Variants in COTL1 observed in about 807,000 individuals in gnomAD.
The protein encoded by COTL1 is coactosin like F-actin binding protein 1, also known as coactosin-like protein.
In COTL1, 15 loss-of-function variants were observed where a neutral mutation model predicts 16.5. The observed-to-expected ratio is 0.91, with a 90% confidence interval of 0.61 to 1.40. The LOEUF (loss-of-function observed/expected upper bound fraction) is 1.40, where lower values mean the gene tolerates loss of function less well. Ranked by LOEUF, COTL1 falls within the 40% of genes most tolerant of loss-of-function variation. COTL1 has a pLI of 0.00. For synonymous variants in COTL1, 112 were observed against 85.3 expected, an observed-to-expected ratio of 1.31 and a Z score of -1.73; for missense variants, 220 against 201.5, an observed-to-expected ratio of 1.09 and a Z score of -0.56.
intron 3 of COTL1, among the ~76,000 whole-genome samples, chr16:84,571,903 G>C (rs900416349): frequency 1.2e-4 from 19 of 152,182 alleles, no homozygotes; most frequent in Non-Finnish European, 2.1e-4. Flanking sequence ...CATGGAGGGG[G>C]TACTAGCAGG....
intron 3 of COTL1, among the ~76,000 whole-genome samples, chr16:84,571,753 T>C (rs1040275883): frequency 6.6e-6 from 1 of 152,238 alleles, no homozygotes; most frequent in Admixed American, 6.5e-5. Context: ...GGTGAGACGG[T>C]GAGACGGGCC....
At chr16:84,608,853 C>T (rs569476863) in intron 2 of COTL1, among the ~76,000 whole-genome samples, 1 of 152,292 alleles carries the variant, frequency 6.6e-6, no homozygotes, top group East Asian at 1.9e-4. Flanking sequence ...TGCAGTGAGC[C>T]AAGATCGTGC....
chr16:84,580,827 T>C (rs907978008), intron 3 of COTL1, among the ~76,000 whole-genome samples: 3 of 152,306 alleles, frequency 2.0e-5, no homozygotes, highest in East Asian at 1.9e-4. Flanking sequence ...TATTTTTCAA[T>C]TGTGCAATTT....
chr16:84,600,590 G>A (rs1247475352), intron 2 of COTL1, among the ~76,000 whole-genome samples: 2 of 152,224 alleles, frequency 1.3e-5, no homozygotes, highest in Non-Finnish European at 2.9e-5. Context: ...CAGGATTACA[G>A]GCGCGAGCCA....
chr16:84,607,544 T>G (rs1905238393), intron 2 of COTL1, among the ~76,000 whole-genome samples: 1 of 152,080 alleles, frequency 6.6e-6, no homozygotes, highest in Admixed American at 6.5e-5. Flanking sequence ...TTAGATAAAC[T>G]AACACACGCA....
At chr16:84,612,415 T>A (rs1012353227) in intron 2 of COTL1, among the ~76,000 whole-genome samples, 1 of 152,288 alleles carries the variant, frequency 6.6e-6, no homozygotes, top group African/African-American at 2.4e-5. Flanking sequence ...GCCTACTTTG[T>A]GCTGAGTGGG....
intron 2 of COTL1, among the ~76,000 whole-genome samples, chr16:84,604,571 G>C (rs200344110): frequency 6.6e-6 from 1 of 151,940 alleles, no homozygotes; most frequent in Non-Finnish European, 1.5e-5. Context: ...ATATGTGTTG[G>C]GGGGATGAGT....
intron 3 of COTL1, among the ~76,000 whole-genome samples, chr16:84,569,718 G>C (rs566131228): frequency 4.6e-5 from 7 of 152,220 alleles, no homozygotes; most frequent in Non-Finnish European, 8.8e-5. Flanking sequence ...GTTACTAAGT[G>C]TATGTGATCC....
chr16:84,601,281 A>T (rs1285774990), intron 2 of COTL1, among the ~76,000 whole-genome samples: 1 of 152,236 alleles, frequency 6.6e-6, no homozygotes, highest in Admixed American at 6.5e-5. Context: ...CCTTCAAAAA[A>T]TATACAGTCT....
At chr16:84,608,634 G>T (rs1050531332) in intron 2 of COTL1, among the ~76,000 whole-genome samples, 7 of 152,224 alleles carry the variant, frequency 4.6e-5, no homozygotes, top group Admixed American at 3.3e-4. Context: ...AGCCGGGCGG[G>T]GTGGCTCACG....
At chr16:84,602,758 C>T (rs1217717191) in intron 2 of COTL1, among the ~76,000 whole-genome samples, 1 of 150,922 alleles carries the variant, frequency 6.6e-6, no homozygotes, top group African/African-American at 2.4e-5. Flanking sequence ...GGGAGGCTGA[C>T]GTAGGAGAAT....
intron 2 of COTL1, among the ~76,000 whole-genome samples, chr16:84,597,489 T>G (rs1484604717): frequency 6.6e-6 from 1 of 152,126 alleles, no homozygotes; most frequent in Admixed American, 6.5e-5. Context: ...ACCCGGGAAC[T>G]TATTAGAAAT....
At chr16:84,617,171 G>GT (rs952672177) in intron 2 of COTL1, among the ~76,000 whole-genome samples, 3 of 96,502 alleles carry the variant, frequency 3.1e-5, no homozygotes, top group Admixed American at 1.8e-4. Context: ...AAAGGGGACA[G>GT]TGGGAAGAGC....
chr16:84,591,105 T>C (rs1462153573), intron 2 of COTL1, among the ~76,000 whole-genome samples: 1 of 152,156 alleles, frequency 6.6e-6, no homozygotes, highest in African/African-American at 2.4e-5. Flanking sequence ...GACTTTAAAA[T>C]TTGTTTCACA....
At chr16:84,575,775 C>G (rs991078617) in intron 3 of COTL1, 4 of 152,304 alleles carry the variant, frequency 2.6e-5, no homozygotes, top group African/African-American at 9.7e-5. Flanking sequence ...GTGGCCTGAG[C>G]CTCCCTGGGG....
At chr16:84,586,477 T>G (rs1262319683) in intron 3 of COTL1, among the ~76,000 whole-genome samples, 2 of 151,894 alleles carry the variant, frequency 1.3e-5, no homozygotes. Context: ...CCTTTGGGGG[T>G]GATGAGAAAG....
chr16:84,610,284 T>G (rs1419372882), intron 2 of COTL1, among the ~76,000 whole-genome samples: 1 of 152,214 alleles, frequency 6.6e-6, no homozygotes, highest in Non-Finnish European at 1.5e-5. Flanking sequence ...CCACTCACAC[T>G]GGCCTGAGAA....
At chr16:84,609,972 C>T (rs1456181968) in intron 2 of COTL1, among the ~76,000 whole-genome samples, 3 of 152,228 alleles carry the variant, frequency 2.0e-5, no homozygotes, top group African/African-American at 4.8e-5. Flanking sequence ...CACACTATCC[C>T]TGAATTCCTA....
At chr16:84,617,787 C>T (rs1905537216) in intron 1 of COTL1, 51 bp downstream of exon 1, 1 of 1,522,074 alleles carries the variant, frequency 6.6e-7, no homozygotes, top group Non-Finnish European at 8.9e-7. Flanking sequence ...GTGCACGAGG[C>T]CCCGCGCGAG....
Sources: gnomAD v4.1 joint callset for allele counts (sites outside exome capture counted in the v4.1 genomes callset) on GRCh38, gnomAD v4.1.1 for gene constraint, MANE v1.5 for transcripts, NCBI Gene and HGNC (gene_info 2026-07-23, HGNC 2026-07-21) for gene names.